EGF: variants seen among roughly 807,000 people sequenced by gnomAD.
The protein encoded by EGF is epidermal growth factor.
EGF carries 95 observed loss-of-function variants against 143.8 expected under a neutral mutation model. The ratio of observed to expected loss-of-function variants is 0.66; its 90% CI spans 0.56 to 0.78. The LOEUF (loss-of-function observed/expected upper bound fraction) is 0.78, where lower values mean the gene tolerates loss of function less well. EGF is among the 30% of genes least tolerant of loss of function. The pLI is 0.00. For synonymous variants in EGF, 510 were observed against 510.5 expected (o/e 1.00, Z 0.01); for missense variants, 1,320 against 1,470.9 (o/e 0.90, Z 1.68).
chr4:109,961,379 G>A lies in EGF; in HGVS notation c.1189+390G>A, dbSNP rs567003179. On this transcript the variant is annotated intron_variant, in intron 7 of 23. Coordinates refer to ENST00000265171, the MANE Select transcript of EGF (RefSeq NM_001963.6). ...AAAGCAAAACAAAACAAAAACCATG[G>A]ATGACTGGACTCTACCCCAGACCTA... is the stretch of plus-strand genomic sequence containing the variant. Among the ~76,000 whole-genome samples, 30 of 152,112 alleles carry A rather than the reference G, an allele frequency of 2.0e-4. No individual in the cohort carries two copies. In the South Asian group the frequency reaches 6.2e-3, roughly 32 times the overall value.
chr4:109,998,579 A>G (rs1291077461), intron 20 of EGF, among the ~76,000 whole-genome samples: 1 of 152,218 alleles, frequency 6.6e-6, no homozygotes, highest in Admixed American at 6.5e-5. Flanking sequence ...TCAAACACAC[A>G]AGATGGTTAA....
chr4:109,934,923 A>G (rs574426749), intron 1 of EGF, among the ~76,000 whole-genome samples: 48 of 151,866 alleles, frequency 3.2e-4, no homozygotes, highest in Non-Finnish European at 4.7e-4. Context: ...GGGTCTATAT[A>G]TTTGTTTTGG....
chr4:109,943,010 A>G (rs1281511605), intron 2 of EGF, among the ~76,000 whole-genome samples: 1 of 152,228 alleles, frequency 6.6e-6, no homozygotes, highest in Non-Finnish European at 1.5e-5. Flanking sequence ...AGTGTGTAGG[A>G]TAATTTTTAG....
At chr4:109,928,544 T>C (rs1205618432) in intron 1 of EGF, among the ~76,000 whole-genome samples, 1 of 152,176 alleles carries the variant, frequency 6.6e-6, no homozygotes, top group Admixed American at 6.5e-5. Context: ...TCTTAGTTAA[T>C]TCTCTCCTGG....
intron 10 of EGF, among the ~76,000 whole-genome samples, chr4:109,967,675 G>A (rs1746823923): frequency 6.6e-6 from 1 of 152,114 alleles, no homozygotes. Flanking sequence ...GTGATAGGCT[G>A]CATACTAGAC....
chr4:109,954,106 C>T (rs9992709), intron 5 of EGF, among the ~76,000 whole-genome samples: 2,403 of 152,238 alleles, frequency 0.016, 66 homozygotes, highest in African/African-American at 0.054. Flanking sequence ...TGCTGGAGTG[C>T]AGTGGCATGA....
Position 109,993,429 on chromosome 4 carries a change from C to T in EGF, c.2857+60C>T, listed in dbSNP as rs969401313. On this transcript the variant is annotated intron_variant, in intron 19 of 23. Transcript: ENST00000265171. The stretch of plus-strand genomic sequence containing the variant: ...GACTTGGCTCGGGGATATTCTATAC[C>T]CTAATCTCTATTTGCATTAGAGATT... The T allele has an allele frequency of 5.0e-6, 8 of 1,603,964 alleles. No homozygotes were observed. The African/African-American group carries it at 1.1e-4, about 21-fold the overall frequency.
Position 109,999,702 on chromosome 4 carries a change from A to G in EGF, c.3029A>G (p.Glu1010Gly). ...AGCTGTGTTGTTGGCTACATCGGGG[A>G]GCGATGTCAGTACCGAGACCTGAAG... ...ACNCVVGYIG[E>G]RCQYRDLKWW... Residue 1010 changes from glutamate (E) to glycine (G), a missense_variant, in exon 21 of 24, where the codon GAG becomes GGG. Transcript: ENST00000265171. 6.2e-7 allele frequency: 1 copy of G among 1,613,610 alleles called. No individual in the cohort carries two copies. The highest frequency in any genetic ancestry group is 8.5e-7 in the Non-Finnish European group (1 of 1,179,874).
In EGF at chr4:109,995,864, T is replaced by C. The variant is rs11569091; in HGVS notation, c.3005+984T>C. On this transcript the variant is annotated intron_variant, in intron 20 of 23. Coordinates refer to ENST00000265171, the MANE Select transcript of EGF (RefSeq NM_001963.6). The stretch of plus-strand genomic sequence containing the variant: ...AAGCTATATTCTGTGACAAAGTGTA[T>C]GGCCTTGCACTAGAAATCATGTCCG... Among the ~76,000 whole-genome samples, 17 of 152,320 alleles carry C rather than the reference T, an allele frequency of 1.1e-4. No individual in the cohort carries two copies. The South Asian group carries it at 3.5e-3, about 32-fold the overall frequency.
At chr4:109,944,170 C>T (rs1376760893) in intron 4 of EGF, 101 bp downstream of exon 4, 6 of 1,315,386 alleles carry the variant, frequency 4.6e-6, no homozygotes, top group Non-Finnish European at 6.4e-6. Context: ...GTGGTTTAGG[C>T]CATAGATTTT....
In EGF at chr4:109,993,403, G is replaced by C. The variant is rs11569078; in HGVS notation, c.2857+34G>C. ...GTGGGTGGTCTACAGTGAAGGGGAG[G>C]GACTTGGCTCGGGGATATTCTATAC... On this transcript the variant is annotated intron_variant, in intron 19 of 23. Transcript: ENST00000265171. The C allele has an allele frequency of 5.5e-3, 8,786 of 1,611,816 alleles. 39 individuals carry two copies. The highest frequency in any genetic ancestry group is 6.6e-3 in the Non-Finnish European group (7,755 of 1,178,836).
chr4:110,004,327 C>A, intron 21 of EGF, 178 bp from the exon 22 acceptor site: 1 of 702,484 alleles, frequency 1.4e-6, no homozygotes, highest in Non-Finnish European at 2.6e-6. Flanking sequence ...TTGAGTTCTG[C>A]AGAAAAGACT....
At chr4:109,926,424 G>A (rs1457374366) in intron 1 of EGF, among the ~76,000 whole-genome samples, 6 of 147,190 alleles carry the variant, frequency 4.1e-5, no homozygotes, top group Non-Finnish European at 8.9e-5. Flanking sequence ...GCGCGATCTC[G>A]TCTCACTGCA....
At chr4:109,924,003 T>C (rs1738228976) in intron 1 of EGF, among the ~76,000 whole-genome samples, 2 of 151,684 alleles carry the variant, frequency 1.3e-5, no homozygotes, top group Non-Finnish European at 1.5e-5. Flanking sequence ...TTAAGGTGAA[T>C]AATATTTATG....
In EGF at chr4:109,987,971, A is replaced by G. The variant is rs946415804; in HGVS notation, c.2608+111A>G. The G allele has an allele frequency of 4.5e-5, 40 of 880,548 alleles. No homozygotes were observed. The African/African-American group carries it at 6.6e-4, about 15-fold the overall frequency. 54.5% of individuals were successfully genotyped at this position (880,548 alleles called of 1,614,324 possible). ...AGGATTTATGTAATCAGCAGATTTG[A>G]ATAAGTTATTTGATGTTAGCTAAAA... On this transcript the variant is annotated intron_variant, in intron 17 of 23. Coordinates refer to ENST00000265171, the MANE Select transcript of EGF (RefSeq NM_001963.6).
At chr4:109,998,477 C>T (rs936576659) in intron 20 of EGF, among the ~76,000 whole-genome samples, 6 of 152,302 alleles carry the variant, frequency 3.9e-5, no homozygotes, top group African/African-American at 7.2e-5. Flanking sequence ...AGCTGTGTGA[C>T]GTTGTACAAA....
intron 1 of EGF, among the ~76,000 whole-genome samples, chr4:109,918,965 C>T (rs1737198642): frequency 6.6e-6 from 1 of 152,160 alleles, no homozygotes; most frequent in Non-Finnish European, 1.5e-5. Flanking sequence ...TGCACCTTGG[C>T]CGCTTTCCTG....
At chr4:110,001,433 A>C (rs1375697964) in intron 21 of EGF, among the ~76,000 whole-genome samples, 1 of 152,228 alleles carries the variant, frequency 6.6e-6, no homozygotes, top group East Asian at 1.9e-4. Context: ...ATAACATTGT[A>C]ATTTTTAGCC....
At chr4:110,008,430 C>T (rs560633785) in intron 23 of EGF, among the ~76,000 whole-genome samples, 200 bp downstream of exon 23, 3 of 152,162 alleles carry the variant, frequency 2.0e-5, no homozygotes, top group Non-Finnish European at 4.4e-5. Context: ...GAGGTTACCA[C>T]GTTCACTCAA....
Sources: allele counts gnomAD v4.1 joint callset (sites outside exome capture counted in the v4.1 genomes callset), GRCh38; gene constraint gnomAD v4.1.1; transcripts MANE v1.5; gene names NCBI Gene and HGNC (gene_info 2026-07-23, HGNC 2026-07-21).